MBD6: variants seen among roughly 807,000 people sequenced by gnomAD.
MBD6 encodes the protein methyl-CpG binding domain protein 6.
Under a neutral mutation model 66.8 loss-of-function variants are expected in MBD6, and 22 were observed. The ratio of observed to expected loss-of-function variants is 0.33; its 90% CI spans 0.24 to 0.47. The LOEUF is 0.47. Among genes scored for constraint, MBD6 ranks in the 20% least tolerant of loss-of-function variants. The pLI, the probability that MBD6 is intolerant of heterozygous loss-of-function variation, is 1.00. For synonymous variants in MBD6, 540 were observed against 534.6 expected (o/e 1.01, Z -0.14); for missense variants, 1,322 against 1,286.9 (o/e 1.03, Z -0.42).
At position 57,526,290 on chromosome 12, in the gene MBD6, C is replaced by T; in HGVS notation, c.1322C>T (p.Pro441Leu). 6.2e-7 allele frequency: 1 copy of T among 1,613,952 alleles called. No individual in the cohort carries two copies. Among genetic ancestry groups the T allele is most frequent in the Non-Finnish European group, 8.5e-7 (1 of 1,179,966 alleles). The stretch of plus-strand genomic sequence containing the variant: ...TTGGGGTCAGATGCACACCTTCCTC[C>T]TCCCCCAACCCTCTCCTCAGGGAGC... ...NLLGSDAHLP[P>L]PPTLSSGSPP... Residue 441 changes from proline (P) to leucine (L), a missense_variant, in exon 6 of 13, where the codon CCT becomes CTT. Pro to Leu is a moderately conservative substitution (Grantham distance 98). Transcript: ENST00000355673.
At position 57,522,833 on chromosome 12, in the gene MBD6, C is replaced by T. The variant is rs1469144662; in HGVS notation, c.-267C>T. ...GAATCCCCAGGGCTGCCCCTGGCCC[C>T]CATGGCGCATGCGCGGGAGGCCGCT... On this transcript the variant is annotated 5_prime_UTR_variant, in exon 1 of 13. Transcript: ENST00000355673. 6.5e-6 allele frequency: 1 copy of T among 153,664 alleles called. No individual in the cohort carries two copies. Among genetic ancestry groups the T allele is most frequent in the South Asian group, 1.8e-4 (1 of 5,690 alleles). 9.5% of individuals were successfully genotyped at this position (153,664 alleles called of 1,614,324 possible). A position where few individuals can be genotyped will look rare whatever the true frequency, so the allele number is the denominator to read the frequency against.
downstream of MBD6, chr12:57,530,794 G>T: frequency 6.2e-7 from 1 of 1,601,428 alleles, no homozygotes; most frequent in Non-Finnish European, 8.6e-7. Context: ...TGGTAGAGAG[G>T]TTTTACTCTT....
chr12:57,528,732 C>A lies in MBD6; in HGVS notation c.2873+14C>A. The A allele has an allele frequency of 6.2e-7, 1 of 1,614,118 alleles. No individual in the cohort carries two copies. On this transcript the variant is annotated intron_variant, in intron 11 of 12. Transcript: ENST00000355673. ...GAGAAAATACAAGTGAGTGTTGGGC[C>A]TACTATAGTGCTGGCCTTTGCCTAC... is the stretch of plus-strand genomic sequence containing the variant.
At position 57,527,916 on chromosome 12, in the gene MBD6, C is replaced by A. The variant is rs992468094; in HGVS notation, c.2305C>A (p.Leu769Ile). ...CCTGTTGCAGCCTCCTGGCCCTCTT[C>A]TCTCTGGCCAGTTGGGGCTGCAGCT... is the stretch of plus-strand genomic sequence containing the variant. ...PSLLQPPGPL[L>I]SGQLGLQLLP... Residue 769 changes from leucine (L) to isoleucine (I), a missense_variant, in exon 9 of 13, where the codon CTC (leucine) becomes ATC (isoleucine). Transcript: ENST00000355673. 20 of 1,612,988 alleles carry A rather than the reference C, an allele frequency of 1.2e-5. No homozygotes were observed. Among genetic ancestry groups the A allele is most frequent in the Non-Finnish European group, 1.5e-5 (18 of 1,179,682 alleles).
At chr12:57,530,403 C>T (rs1312625859), downstream of MBD6, 2 of 357,668 alleles carry the variant, frequency 5.6e-6, no homozygotes, top group African/African-American at 4.0e-5. Flanking sequence ...CAATCCTTCC[C>T]CACACCAGGC....
Position 57,528,190 on chromosome 12 carries a change from G to T in MBD6, c.2450G>T (p.Ser817Ile). The T allele has an allele frequency of 1.9e-6, 3 of 1,611,408 alleles. No homozygotes were observed. The highest frequency in any genetic ancestry group is 2.5e-6 in the Non-Finnish European group (3 of 1,179,218). ...GAAGCCCCCTGTCTACCCCCCGAGAGCCCTGCCTCAGCCCTCGAACCAGAG... is the reference window on the plus strand; with the variant it reads ...GAAGCCCCCTGTCTACCCCCCGAGATCCCTGCCTCAGCCCTCGAACCAGAG... ...QPEAPCLPPE[S>I]PASALEPEPA... The change falls in exon 10 of 13, where the codon AGC (serine) becomes ATC (isoleucine). Residue 817 changes from serine (S) to isoleucine (I), a missense_variant. Coordinates refer to ENST00000355673, the MANE Select transcript of MBD6 (RefSeq NM_052897.4).
chr12:57,528,876 C>T (rs1709873), intron 11 of MBD6, 70 bp from the exon 12 acceptor site: 1 of 1,611,038 alleles, frequency 6.2e-7, no homozygotes, highest in Non-Finnish European at 8.5e-7. Flanking sequence ...TAGAAAGTTT[C>T]CCACCCAAAC....
chr12:57,526,286 C>T lies in MBD6; in HGVS notation c.1318C>T (p.Pro440Ser), dbSNP rs780414438. 1.2e-6 allele frequency: 2 copies of T among 1,613,900 alleles called. No individual in the cohort carries two copies. Among genetic ancestry groups the T allele is most frequent in the Middle Eastern group, 1.6e-4 (1 of 6,062 alleles). ...FNLLGSDAHLPPPPTLSSGSP... is the reference protein window; with the variant it reads ...FNLLGSDAHLSPPPTLSSGSP... ...CCTTTTGGGGTCAGATGCACACCTTCCTCCTCCCCCAACCCTCTCCTCAGG... is the reference window on the plus strand; with the variant it reads ...CCTTTTGGGGTCAGATGCACACCTTTCTCCTCCCCCAACCCTCTCCTCAGG... Residue 440 changes from proline (P) to serine (S), a missense_variant, in exon 6 of 13, where the codon CCT (proline) becomes TCT (serine). Transcript: ENST00000355673.
Position 57,529,276 on chromosome 12 carries a change from C to CT in MBD6, c.*43dup. On this transcript the variant is annotated 3_prime_UTR_variant, in exon 13 of 13. Coordinates refer to ENST00000355673, the MANE Select transcript of MBD6 (RefSeq NM_052897.4). The stretch of plus-strand genomic sequence containing the variant: ...TGGATCTGACCCTGATTGGGGAGAG[C>CT]TGAGTGCTGAGCCTTGGGAGCCCCT... The CT allele has an allele frequency of 6.2e-7, 1 of 1,608,078 alleles. No individual in the cohort carries two copies. Among genetic ancestry groups the CT allele is most frequent in the Non-Finnish European group, 8.5e-7 (1 of 1,175,330 alleles).
Position 57,529,417 on chromosome 12 carries a change from C to A in MBD6, c.*183C>A. 1 of 522,890 alleles carries A rather than the reference C, an allele frequency of 1.9e-6. No homozygotes were observed. Among genetic ancestry groups the A allele is most frequent in the Non-Finnish European group, 3.4e-6 (1 of 298,180 alleles). 32.4% of individuals were successfully genotyped at this position (522,890 alleles called of 1,614,324 possible). On this transcript the variant is annotated 3_prime_UTR_variant, in exon 13 of 13. Transcript: ENST00000355673. ...AGCCATTGCAGGGGGCAGGGAAGTT[C>A]ACCCCCCCCCACCACCCCCCCGCCC...
At chr12:57,522,093 A>G (rs1239513675), upstream of MBD6, 4 of 152,056 alleles carry the variant, frequency 2.6e-5, no homozygotes, top group African/African-American at 9.7e-5. Context: ...ATATCCTGTC[A>G]TACCCTCATG....
At chr12:57,525,158 G>A in intron 5 of MBD6, 43 bp downstream of exon 5, 3 of 1,583,336 alleles carry the variant, frequency 1.9e-6, no homozygotes, top group Non-Finnish European at 2.6e-6. Context: ...GAAAACCTAA[G>A]GGCTTGGAAG....
chr12:57,522,854 C>T lies in MBD6; in HGVS notation c.-246C>T, dbSNP rs1878480288. On this transcript the variant is annotated 5_prime_UTR_variant, in exon 1 of 13. Coordinates refer to ENST00000355673, the MANE Select transcript of MBD6 (RefSeq NM_052897.4). Reference sequence around the variant, plus strand: ...GCCCCCATGGCGCATGCGCGGGAGGCCGCTCGGTGATCCGCGGCGGCGGCA... The same window carrying T: ...GCCCCCATGGCGCATGCGCGGGAGGTCGCTCGGTGATCCGCGGCGGCGGCA... The T allele has an allele frequency of 6.5e-6, 1 of 153,776 alleles. No homozygotes were observed. The highest frequency in any genetic ancestry group is 1.5e-5 in the Non-Finnish European group (1 of 68,762). 9.5% of individuals were successfully genotyped at this position (153,776 alleles called of 1,614,324 possible). A position where few individuals can be genotyped will look rare whatever the true frequency, so the allele number is the denominator to read the frequency against.
chr12:57,531,359 C>A (rs189163950), downstream of MBD6, among the ~76,000 whole-genome samples: 665 of 151,098 alleles, frequency 4.4e-3, 6 homozygotes, highest in Admixed American at 9.2e-3. Flanking sequence ...CCCGTCTCTA[C>A]TAAAAAAAAA....
rs200285325 is a variant in MBD6 at position 57,527,136 on chromosome 12, T to A, written c.1991T>A (p.Phe664Tyr). 1.5e-5 allele frequency: 22 copies of A among 1,512,240 alleles called. No individual in the cohort carries two copies. The African/African-American group carries it at 2.8e-4, about 19-fold the overall frequency. The allele number at this position is 1,512,240 out of a possible 1,614,324, so 93.7% of individuals were successfully genotyped here. A position where few individuals can be genotyped will look rare whatever the true frequency, so the allele number is the denominator to read the frequency against. Residue 664 changes from phenylalanine (F) to tyrosine (Y), a missense_variant, in exon 7 of 13, where the codon TTC (phenylalanine) becomes TAC (tyrosine). Coordinates refer to ENST00000355673, the MANE Select transcript of MBD6 (RefSeq NM_052897.4). ...SGLGDLSPLL[F>Y]PPLSAPPTLI... ...TTGGGAGACCTGTCCCCCCTACTTT[T>A]CCCCCCACTTTCAGCCCCCCCTACC...
In MBD6 at chr12:57,527,106, C is replaced by G; in HGVS notation, c.1961C>G (p.Ser654Ter). ...GGGGGTCCAAGTGGGGAGCCATTTT[C>G]AGGCTTGGGAGACCTGTCCCCCCTA... ...GAGGPSGEPF[S>*]GLGDLSPLLF... is the part of the protein sequence containing the mutation. Residue 654 changes from serine (S) to a stop codon, truncating the protein, a stop_gained, in exon 7 of 13, where the codon TCA becomes TGA. Transcript: ENST00000355673. LOFTEE classifies it high-confidence loss of function. 6.3e-7 allele frequency: 1 copy of G among 1,592,976 alleles called. No homozygotes were observed. The highest frequency in any genetic ancestry group is 8.6e-7 in the Non-Finnish European group (1 of 1,167,560).
rs775941941 is a variant in MBD6 at position 57,526,673 on chromosome 12, C to G, written c.1528C>G (p.Pro510Ala). Residue 510 changes from proline (P) to alanine (A), a missense_variant, in exon 7 of 13, where the codon CCT becomes GCT. Coordinates refer to ENST00000355673, the MANE Select transcript of MBD6 (RefSeq NM_052897.4). Reference protein sequence around the residue: ...GMGAGPACPLPPLAGGEAFPF... With the variant: ...GMGAGPACPLAPLAGGEAFPF... ...GGGGGCAGGCCCGGCCTGCCCTCTG[C>G]CTCCCCTGGCTGGTGGAGAGGCTTT... The G allele has an allele frequency of 6.6e-7, 1 of 1,523,908 alleles. No homozygotes were observed. Among genetic ancestry groups the G allele is most frequent in the East Asian group, 2.3e-5 (1 of 43,982 alleles). 94.4% of individuals were successfully genotyped at this position (1,523,908 alleles called of 1,614,324 possible).
At chr12:57,526,424 C>T (rs1293949624) in intron 6 of MBD6, 36 bp downstream of exon 6, 1 of 1,535,644 alleles carries the variant, frequency 6.5e-7, no homozygotes, top group East Asian at 2.3e-5. Flanking sequence ...CTCATCCTGG[C>T]TGGAAAGAGG....
rs1459762262 is a variant in MBD6 at position 57,529,431 on chromosome 12, AC to A, written c.*204del. Reference sequence around the variant, plus strand: ...GCAGGGAAGTTCACCCCCCCCCACCACCCCCCCGCCCCCCCGAAGCCATGTC... The same window carrying A: ...GCAGGGAAGTTCACCCCCCCCCACCACCCCCCGCCCCCCCGAAGCCATGTC... On this transcript the variant is annotated 3_prime_UTR_variant, in exon 13 of 13. Coordinates refer to ENST00000355673, the MANE Select transcript of MBD6 (RefSeq NM_052897.4). The A allele has an allele frequency of 7.2e-5, 28 of 387,854 alleles. No homozygotes were observed. Among genetic ancestry groups the A allele is most frequent in the South Asian group, 1.2e-4 (4 of 34,116 alleles). 24.0% of individuals were successfully genotyped at this position (387,854 alleles called of 1,614,324 possible).
Sources: gnomAD v4.1 joint callset for allele counts (sites outside exome capture counted in the v4.1 genomes callset) on GRCh38, gnomAD v4.1.1 for gene constraint, MANE v1.5 for transcripts, NCBI Gene and HGNC (gene_info 2026-07-23, HGNC 2026-07-21) for gene names.